ANKS1B: variants seen among roughly 807,000 people sequenced by gnomAD.
ANKS1B encodes the protein ankyrin repeat and sterile alpha motif domain containing 1B.
Under a neutral mutation model 148.3 loss-of-function variants are expected in ANKS1B, and 36 were observed. The ratio of observed to expected loss-of-function variants is 0.24; its 90% CI spans 0.19 to 0.32. The LOEUF (loss-of-function observed/expected upper bound fraction) is 0.32, where lower values mean the gene tolerates loss of function less well. ANKS1B is among the 10% of genes least tolerant of loss of function. The pLI is 1.00. For synonymous variants in ANKS1B, 542 were observed against 560.8 expected (o/e 0.97, Z 0.47); for missense variants, 1,157 against 1,542.6 (o/e 0.75, Z 4.19).
rs2073901025 is a variant in ANKS1B, at chr12:99,246,528, T to G, written c.2093A>C (p.Asn698Thr). 6.2e-7 allele frequency: 1 copy of G among 1,612,908 alleles called. No individual in the cohort carries two copies. The highest frequency in any genetic ancestry group is 1.3e-5 in the African/African-American group (1 of 74,542). ...GTRSTRSGSR[N>T]GDQWVMNAGG... ...TGCGTTCATAACCCACTGGTCCCCA[T>G]TCCGAGATCCACTCCTGGTTGATCT... Residue 698 changes from asparagine to threonine, a missense_variant, in exon 13 of 27, where the codon AAT (asparagine) becomes ACT (threonine). By Grantham distance (65) the Asn-to-Thr change is moderately conservative. Coordinates refer to ENST00000683438, the MANE Select transcript of ANKS1B (RefSeq NM_001352186.2).
intron 16 of ANKS1B, among the ~76,000 whole-genome samples, chr12:99,069,231 G>C (rs545626675): frequency 6.6e-6 from 1 of 152,114 alleles, no homozygotes; most frequent in African/African-American, 2.4e-5. Context: ...GCTGGGTCTC[G>C]GGACACAAGG....
rs545039324 is a variant in ANKS1B, at chr12:98,902,385, T to C, written c.2779-70249A>G. 2.0e-5 allele frequency among the ~76,000 whole-genome samples: 3 copies of C among 152,346 alleles called. No individual in the cohort carries two copies. The East Asian group carries it at 5.8e-4, about 29-fold the overall frequency. ...CAACACTTACAGCAACTTTCAAGGTTAGCAATGAAAGAAGAAGGCTGCAGT... is the reference window on the plus strand; with the variant it reads ...CAACACTTACAGCAACTTTCAAGGTCAGCAATGAAAGAAGAAGGCTGCAGT... On this transcript the variant is annotated intron_variant, in intron 17 of 26. Coordinates refer to ENST00000683438, the MANE Select transcript of ANKS1B (RefSeq NM_001352186.2).
chr12:98,890,962 A>G (rs1047977694), intron 17 of ANKS1B, among the ~76,000 whole-genome samples: 1 of 152,228 alleles, frequency 6.6e-6, no homozygotes, highest in African/African-American at 2.4e-5. Context: ...AGAATATGGT[A>G]AAGTTGCGTA....
intron 17 of ANKS1B, among the ~76,000 whole-genome samples, chr12:98,885,833 G>A (rs1439953987): frequency 6.6e-6 from 1 of 152,136 alleles, no homozygotes; most frequent in African/African-American, 2.4e-5. Context: ...CAGAAAAGTG[G>A]ATAGATCCAA....
chr12:99,586,847 T>C (rs1167638992), intron 9 of ANKS1B, among the ~76,000 whole-genome samples: 1 of 152,164 alleles, frequency 6.6e-6, no homozygotes, highest in Admixed American at 6.5e-5. Flanking sequence ...CTGAGACTTA[T>C]TAACTATCAT....
chr12:99,032,786 T>C (rs1450873661), intron 17 of ANKS1B, among the ~76,000 whole-genome samples: 1 of 152,214 alleles, frequency 6.6e-6, no homozygotes. Flanking sequence ...GAAACATTTA[T>C]GGCAATTTAA....
chr12:98,832,937 A>G (rs2099330866), intron 17 of ANKS1B, among the ~76,000 whole-genome samples: 1 of 152,214 alleles, frequency 6.6e-6, no homozygotes, highest in Admixed American at 6.5e-5. Context: ...ATTAATGAAT[A>G]TGAAAGAATG....
chr12:99,651,497 T>C (rs1285011838), intron 9 of ANKS1B, among the ~76,000 whole-genome samples: 2 of 152,200 alleles, frequency 1.3e-5, no homozygotes, highest in East Asian at 1.9e-4. Flanking sequence ...ATTCAAGGAC[T>C]GTCAGCATGC....
At chr12:99,624,202 G>A (rs2098086843) in intron 9 of ANKS1B, among the ~76,000 whole-genome samples, 1 of 151,992 alleles carries the variant, frequency 6.6e-6, no homozygotes, top group Non-Finnish European at 1.5e-5. Flanking sequence ...GGCTAGCCAT[G>A]TGCAAAAGAT....
intron 15 of ANKS1B, among the ~76,000 whole-genome samples, chr12:99,119,621 A>T (rs560656136): frequency 9.2e-5 from 14 of 152,180 alleles, no homozygotes; most frequent in African/African-American, 3.4e-4. Flanking sequence ...GCATCCTTCC[A>T]TGTGAAGCAT....
At chr12:99,105,333 C>G (rs1038892102) in intron 15 of ANKS1B, among the ~76,000 whole-genome samples, 1 of 151,958 alleles carries the variant, frequency 6.6e-6, no homozygotes, top group Non-Finnish European at 1.5e-5. Context: ...TTGATAAGTT[C>G]CTGTGGGGCA....
intron 9 of ANKS1B, among the ~76,000 whole-genome samples, chr12:99,637,453 T>C (rs1054957783): frequency 6.6e-6 from 1 of 152,174 alleles, no homozygotes; most frequent in Non-Finnish European, 1.5e-5. Context: ...ATGCAAAGTA[T>C]TGATCCTGGG....
chr12:99,977,894 C>T (rs1054424397), intron 1 of ANKS1B, among the ~76,000 whole-genome samples: 1 of 152,176 alleles, frequency 6.6e-6, no homozygotes, highest in East Asian at 1.9e-4. Flanking sequence ...TAACTAACAT[C>T]ATTCTGCAAT....
intron 17 of ANKS1B, among the ~76,000 whole-genome samples, chr12:98,900,469 T>A (rs2099770474): frequency 1.3e-5 from 2 of 152,196 alleles, no homozygotes; most frequent in Admixed American, 1.3e-4. Flanking sequence ...TTCAGAATTA[T>A]AATGCCAAAC....
intron 1 of ANKS1B, among the ~76,000 whole-genome samples, chr12:99,942,203 G>A (rs762533330): frequency 2.0e-4 from 30 of 152,118 alleles, no homozygotes; most frequent in Non-Finnish European, 3.7e-4. Context: ...CCAGGAAAGA[G>A]GAGAGCAATC....
intron 9 of ANKS1B, among the ~76,000 whole-genome samples, chr12:99,546,700 G>C (rs975002460): frequency 7.9e-5 from 12 of 152,166 alleles, no homozygotes; most frequent in African/African-American, 2.9e-4. Flanking sequence ...TCTACTTTAT[G>C]CATGATAAAT....
chr12:99,777,137 G>A lies in ANKS1B; in HGVS notation c.848-1476C>T, dbSNP rs180758611. Among the ~76,000 whole-genome samples, 22 of 152,314 alleles carry A rather than the reference G, an allele frequency of 1.4e-4. No homozygotes were observed. The East Asian group carries it at 3.7e-3, about 25-fold the overall frequency. On this transcript the variant is annotated intron_variant, in intron 6 of 26. Transcript: ENST00000683438. ...TGTAGCCTCTGTATAAAGATTAAAT[G>A]AACAGATCCCTTTTCATACAGAGCA...
At chr12:99,271,693 T>TATATATATA (rs1566781275) in intron 12 of ANKS1B, among the ~76,000 whole-genome samples, 6 of 143,476 alleles carry the variant, frequency 4.2e-5, no homozygotes, top group South Asian at 2.2e-4. Context: ...TATATATATA[T>TATATATATA]TTACTAAATG....
chr12:99,843,904 C>T (rs2086181809), intron 1 of ANKS1B, among the ~76,000 whole-genome samples: 2 of 152,092 alleles, frequency 1.3e-5, no homozygotes, highest in African/African-American at 2.4e-5. Context: ...TCTCCACAAC[C>T]TCGCATCTGT....
Sources: allele counts gnomAD v4.1 joint callset (sites outside exome capture counted in the v4.1 genomes callset), GRCh38; gene constraint gnomAD v4.1.1; transcripts MANE v1.5; gene names NCBI Gene and HGNC (gene_info 2026-07-23, HGNC 2026-07-21).